ZNF783: variants seen among roughly 807,000 people sequenced by gnomAD.
ZNF783 encodes the protein protein ZNF783.
A neutral mutation model predicts 31.3 loss-of-function variants in ZNF783; 25 were observed. The observed-to-expected ratio is 0.80, with a 90% CI of 0.58 to 1.11. The LOEUF (loss-of-function observed/expected upper bound fraction) is 1.11. Among genes scored for constraint, ZNF783 ranks in the 50% most tolerant of loss-of-function variants. The pLI is 0.00. For synonymous variants in ZNF783, 369 were observed against 319.1 expected, an observed-to-expected ratio of 1.16 and a Z score of -1.66; for missense variants, 797 against 760.0, an observed-to-expected ratio of 1.05 and a Z score of -0.57.
At chr7:149,277,738 CA>C (rs530194671) in intron 4 of ZNF783, 7,144 of 73,358 alleles carry the variant, frequency 0.097, 216 homozygotes, top group African/African-American at 0.19. Context: ...GACTCCGCCT[CA>C]AAAAAAAAAA....
intron 4 of ZNF783, among the ~76,000 whole-genome samples, chr7:149,270,289 C>T (rs144646810): frequency 3.3e-5 from 5 of 152,198 alleles, no homozygotes; most frequent in Admixed American, 1.3e-4. Flanking sequence ...CCACCATATC[C>T]GGCTAATTTT....
Position 149,280,550 on chromosome 7 carries a change from C to T in ZNF783, c.803-955C>T, listed in dbSNP as rs373788220. 3.0e-3 allele frequency among the ~76,000 whole-genome samples: 462 copies of T among 152,246 alleles called. 1 individual carries two copies. Among genetic ancestry groups the T allele is most frequent in the African/African-American group, 0.01 (436 of 41,558 alleles). On this transcript the variant is annotated intron_variant, in intron 5 of 5. Coordinates refer to ENST00000434415, the MANE Select transcript of ZNF783 (RefSeq NM_001195220.2). ...CAGTCTGGGGTCCTTCCTGGTCTTT[C>T]CCCATCGTGGTCTGGTCTGGCCTGG... is the stretch of plus-strand genomic sequence containing the variant.
rs1797476771 is a variant in ZNF783, at chr7:149,281,812, C to T, written c.1110C>T (p.Thr370=). Residue 370 remains threonine (T), a synonymous_variant, in exon 6 of 6, where the codon ACC becomes ACT. Coordinates refer to ENST00000434415, the MANE Select transcript of ZNF783 (RefSeq NM_001195220.2). ...TCAATCTGACGATTCATCAGCGGAC[C>T]CATGTGGAGGAGGGGCGGCAGGAGG... ...LKINLTIHQR[T]HVEEGRQEAP... 1 of 1,517,724 alleles carries T rather than the reference C, an allele frequency of 6.6e-7. No individual in the cohort carries two copies. 94.0% of individuals were successfully genotyped at this position (1,517,724 alleles called of 1,614,324 possible). A position where few individuals can be genotyped will look rare whatever the true frequency, so the allele number is the denominator to read the frequency against.
intron 4 of ZNF783, among the ~76,000 whole-genome samples, chr7:149,267,604 T>A (rs1263096660): frequency 1.3e-5 from 2 of 152,130 alleles, no homozygotes; most frequent in Non-Finnish European, 2.9e-5. Context: ...GAGACCATCC[T>A]GGTTAACATA....
chr7:149,262,457 G>T (rs1389420924), intron 1 of ZNF783, 100 bp downstream of exon 1: 12 of 998,938 alleles, frequency 1.2e-5, no homozygotes, highest in African/African-American at 1.7e-5. Context: ...GGGTGAGAGG[G>T]CCTTGCGCGC....
In ZNF783 at chr7:149,266,965, A is replaced by G. The variant is rs576211446; in HGVS notation, c.547+20A>G. On this transcript the variant is annotated intron_variant, in intron 3 of 5. Coordinates refer to ENST00000434415, the MANE Select transcript of ZNF783 (RefSeq NM_001195220.2). ...CCCTGGGTAAGGCCACGGAGGGAGGATCTGGGCCTCTGTCCACAGGTTGTC... is the reference window on the plus strand; with the variant it reads ...CCCTGGGTAAGGCCACGGAGGGAGGGTCTGGGCCTCTGTCCACAGGTTGTC... 1 of 1,613,556 alleles carries G rather than the reference A, an allele frequency of 6.2e-7. No homozygotes were observed.
Position 149,283,052 on chromosome 7 carries a change from C to A in ZNF783, c.*709C>A, listed in dbSNP as rs1038954622. The A allele has an allele frequency of 2.6e-5, 4 of 151,770 alleles. No individual in the cohort carries two copies. Among genetic ancestry groups the A allele is most frequent in the African/African-American group, 4.8e-5 (2 of 41,320 alleles). 9.4% of individuals were successfully genotyped at this position (151,770 alleles called of 1,614,324 possible). ...ATGGTACAATCTCCGCTCACTGCAA[C>A]CTCCGCCTCTCGGGTTCAGGTGATT... On this transcript the variant is annotated 3_prime_UTR_variant, in exon 6 of 6. Transcript: ENST00000434415.
chr7:149,273,610 A>G (rs1797259847), intron 4 of ZNF783, among the ~76,000 whole-genome samples: 2 of 151,978 alleles, frequency 1.3e-5, no homozygotes, highest in Non-Finnish European at 1.5e-5. Flanking sequence ...CAGTGGCACA[A>G]TCAGAGCTCA....
intron 5 of ZNF783, among the ~76,000 whole-genome samples, chr7:149,279,135 G>A (rs12539122): frequency 0.22 from 33,997 of 152,164 alleles, 4,181 homozygotes; most frequent in East Asian, 0.47. Flanking sequence ...CCGCTGGCCC[G>A]ACTTTCAGTC....
At chr7:149,267,916 C>G (rs1276073816) in intron 4 of ZNF783, among the ~76,000 whole-genome samples, 3 of 152,194 alleles carry the variant, frequency 2.0e-5, no homozygotes, top group African/African-American at 7.2e-5. Context: ...TCCCACAACC[C>G]CAGCCTGTGG....
chr7:149,281,481 A>G (rs751345752), intron 5 of ZNF783, 24 bp from the exon 6 acceptor site: 1 of 1,424,190 alleles, frequency 7.0e-7, no homozygotes. Context: ...TCCACTTGGA[A>G]ACCAACATAG....
rs1028272177 is a variant in ZNF783 at position 149,272,167 on chromosome 7, G to A, written c.673+4945G>A. On this transcript the variant is annotated intron_variant, in intron 4 of 5. Transcript: ENST00000434415. ...GGAGTAGCTGGGACCACAGGTGTGCGCCACCACGCCTGGCTAATTTTCGTA... is the reference window on the plus strand; with the variant it reads ...GGAGTAGCTGGGACCACAGGTGTGCACCACCACGCCTGGCTAATTTTCGTA... 6.6e-5 allele frequency among the ~76,000 whole-genome samples: 10 copies of A among 152,108 alleles called. No homozygotes were observed. The East Asian group carries it at 1.4e-3, about 21-fold the overall frequency.
intron 1 of ZNF783, among the ~76,000 whole-genome samples, chr7:149,265,484 C>T (rs878973468): frequency 7.2e-5 from 11 of 152,180 alleles, no homozygotes; most frequent in Admixed American, 3.9e-4. Flanking sequence ...GGTTTGCAGA[C>T]GGCTGCCTTC....
intron 1 of ZNF783, among the ~76,000 whole-genome samples, chr7:149,264,436 A>G (rs1475541551): frequency 6.6e-6 from 1 of 152,204 alleles, no homozygotes; most frequent in East Asian, 1.9e-4. Context: ...GCATGGCTGG[A>G]GCACGACAGG....
At chr7:149,276,487 C>T (rs746515333) in intron 4 of ZNF783, 81 of 985,362 alleles carry the variant, frequency 8.2e-5, no homozygotes, top group African/African-American at 1.6e-4. Context: ...ATAACTCTCC[C>T]GTACGTAAAG....
intron 4 of ZNF783, chr7:149,276,438 G>A: frequency 1.0e-6 from 1 of 986,152 alleles, no homozygotes; most frequent in Non-Finnish European, 1.2e-6. Context: ...GGCTTGTCAT[G>A]AAAGCAACAT....
chr7:149,274,743 A>T (rs1041690377), intron 4 of ZNF783, among the ~76,000 whole-genome samples: 3 of 152,126 alleles, frequency 2.0e-5, no homozygotes, highest in African/African-American at 4.8e-5. Flanking sequence ...TCCCTCTTCT[A>T]TTCTGTTGTT....
intron 5 of ZNF783, among the ~76,000 whole-genome samples, chr7:149,279,632 G>GTTTTTTTTTTTTT (rs764203926): frequency 2.0e-5 from 2 of 100,340 alleles, no homozygotes; most frequent in Admixed American, 1.2e-4. Context: ...TTTTATCTTT[G>GTTTTTTTTTTTTT]TTTTTTTTTT....
chr7:149,283,532 G>A lies in ZNF783; in HGVS notation c.*1189G>A, dbSNP rs1797534108. ...AGCACCCTGAGGGGCAGTGCAGAGA[G>A]AGCCCAGGAAGCCCCTCCACTAGAG... is the stretch of plus-strand genomic sequence containing the variant. On this transcript the variant is annotated 3_prime_UTR_variant, in exon 6 of 6. Transcript: ENST00000434415. The A allele has an allele frequency of 6.6e-6, 1 of 152,224 alleles. No homozygotes were observed. The highest frequency in any genetic ancestry group is 2.4e-5 in the African/African-American group (1 of 41,444). The allele number at this position is 152,224 out of a possible 1,614,324, so 9.4% of individuals were successfully genotyped here. A position where few individuals can be genotyped will look rare whatever the true frequency, so the allele number is the denominator to read the frequency against.
Sources: allele counts gnomAD v4.1 joint callset (sites outside exome capture counted in the v4.1 genomes callset), GRCh38; gene constraint gnomAD v4.1.1; transcripts MANE v1.5; gene names NCBI Gene and HGNC (gene_info 2026-07-23, HGNC 2026-07-21).